The following SPOCK1 variants were observed in gnomAD, a reference collection of about 807,000 sequenced individuals.
SPOCK1 encodes SPARC (osteonectin), cwcv and kazal like domains proteoglycan 1, also known as testican-1.
A neutral mutation model predicts 55.3 loss-of-function variants in SPOCK1; 23 were observed. That is an observed-to-expected ratio of 0.42 (90% confidence interval 0.30 to 0.59). The LOEUF is 0.59. SPOCK1 is among the 20% of genes least tolerant of loss of function. The pLI is 0.22. For synonymous variants in SPOCK1, 226 were observed against 221.0 expected (o/e 1.02, Z -0.20); for missense variants, 499 against 552.5 (o/e 0.90, Z 0.97).
chr5:137,332,502 T>G (rs1758205060), intron 2 of SPOCK1, among the ~76,000 whole-genome samples: 1 of 152,130 alleles, frequency 6.6e-6, no homozygotes. Context: ...TGAAAGAAAC[T>G]GCTTTGCTTA....
At position 137,043,731 on chromosome 5, in the gene SPOCK1, C is replaced by G. The variant is rs531236098; in HGVS notation, c.589+23984G>C. Among the ~76,000 whole-genome samples the G allele has an allele frequency of 3.3e-5, 5 of 152,218 alleles. No homozygotes were observed. The East Asian group carries it at 9.6e-4, about 29-fold the overall frequency. On this transcript the variant is annotated intron_variant, in intron 6 of 10. Transcript: ENST00000394945. ...AATTGAGGGACATTTTAGAAAATAC[C>G]TGACCAGTACTCAGAACTTTCAAGG...
chr5:137,038,371 C>T (rs1751925529), intron 6 of SPOCK1, among the ~76,000 whole-genome samples: 1 of 152,188 alleles, frequency 6.6e-6, no homozygotes, highest in Admixed American at 6.5e-5. Flanking sequence ...TGCCCAGAAC[C>T]AGGCCTGGGA....
intron 9 of SPOCK1, among the ~76,000 whole-genome samples, chr5:136,984,230 A>T (rs1279401249): frequency 2.0e-5 from 3 of 152,182 alleles, no homozygotes; most frequent in African/African-American, 7.2e-5. Flanking sequence ...ATCCTAAGAG[A>T]AGAAAATCAC....
At chr5:137,447,167 T>A (rs1016136901) in intron 2 of SPOCK1, among the ~76,000 whole-genome samples, 1 of 152,226 alleles carries the variant, frequency 6.6e-6, no homozygotes, top group African/African-American at 2.4e-5. Context: ...TAAGCAGAAA[T>A]GTCTGTTTTG....
chr5:137,286,516 C>T (rs887355246), intron 2 of SPOCK1, among the ~76,000 whole-genome samples: 1 of 152,200 alleles, frequency 6.6e-6, no homozygotes, highest in Non-Finnish European at 1.5e-5. Flanking sequence ...TCTGCACTCA[C>T]CCAGAAGGGC....
At chr5:137,339,805 T>C (rs1263129671) in intron 2 of SPOCK1, among the ~76,000 whole-genome samples, 2 of 152,186 alleles carry the variant, frequency 1.3e-5, no homozygotes, top group Non-Finnish European at 2.9e-5. Context: ...TGATTCACTG[T>C]AGACTATAGA....
chr5:137,026,298 A>G (rs1488751432), intron 6 of SPOCK1, among the ~76,000 whole-genome samples: 2 of 152,226 alleles, frequency 1.3e-5, no homozygotes, highest in Non-Finnish European at 2.9e-5. Flanking sequence ...TAAGTCAAAC[A>G]TTATTCTAGA....
At chr5:137,233,095 C>G (rs1756097835) in intron 3 of SPOCK1, among the ~76,000 whole-genome samples, 1 of 152,160 alleles carries the variant, frequency 6.6e-6, no homozygotes, top group Non-Finnish European at 1.5e-5. Context: ...AGTCCTCACC[C>G]TTTTTGGCAC....
intron 3 of SPOCK1, among the ~76,000 whole-genome samples, chr5:137,235,791 G>A (rs1353553936): frequency 3.9e-5 from 6 of 152,228 alleles, no homozygotes; most frequent in South Asian, 4.1e-4. Flanking sequence ...AGTGTGTAAG[G>A]ATGGAATGTG....
chr5:137,043,148 C>A (rs1752033696), intron 6 of SPOCK1, among the ~76,000 whole-genome samples: 2 of 152,098 alleles, frequency 1.3e-5, no homozygotes, highest in Admixed American at 1.3e-4. Context: ...GGGGGTATGT[C>A]AAAGGGACAC....
intron 6 of SPOCK1, among the ~76,000 whole-genome samples, chr5:137,044,113 C>G (rs764098639): frequency 1.3e-5 from 2 of 151,974 alleles, no homozygotes; most frequent in Non-Finnish European, 1.5e-5. Flanking sequence ...TATTGGACAC[C>G]AGTTGCTGAA....
intron 6 of SPOCK1, among the ~76,000 whole-genome samples, chr5:137,026,736 A>C (rs1751683527): frequency 6.6e-6 from 1 of 152,198 alleles, no homozygotes; most frequent in South Asian, 2.1e-4. Flanking sequence ...GAGCACAGTC[A>C]ATCCAAAGCT....
intron 2 of SPOCK1, among the ~76,000 whole-genome samples, chr5:137,316,439 C>T (rs1757882174): frequency 1.3e-5 from 2 of 152,212 alleles, no homozygotes; most frequent in Non-Finnish European, 2.9e-5. Context: ...AGCCCTCCCT[C>T]CTGGTCCTTG....
intron 3 of SPOCK1, among the ~76,000 whole-genome samples, chr5:137,197,346 A>G (rs1755320854): frequency 6.6e-6 from 1 of 152,170 alleles, no homozygotes; most frequent in Non-Finnish European, 1.5e-5. Flanking sequence ...GAGCAGAACT[A>G]TGAATTCTGC....
At chr5:137,242,536 T>C (rs1023602763) in intron 3 of SPOCK1, among the ~76,000 whole-genome samples, 3 of 152,172 alleles carry the variant, frequency 2.0e-5, no homozygotes, top group East Asian at 3.9e-4. Flanking sequence ...CATTTCTTCA[T>C]AGCAGTATGA....
intron 5 of SPOCK1, among the ~76,000 whole-genome samples, chr5:137,089,416 A>C (rs1408317460): frequency 2.6e-5 from 4 of 152,102 alleles, no homozygotes; most frequent in African/African-American, 9.7e-5. Flanking sequence ...AACTCACAGG[A>C]AGTGGCCACC....
At chr5:137,206,791 T>C (rs974486708) in intron 3 of SPOCK1, among the ~76,000 whole-genome samples, 1 of 152,256 alleles carries the variant, frequency 6.6e-6, no homozygotes, top group Non-Finnish European at 1.5e-5. Context: ...CAACATCTTA[T>C]GCGATGTATT....
intron 3 of SPOCK1, among the ~76,000 whole-genome samples, chr5:137,251,695 G>T (rs548415909): frequency 6.6e-6 from 1 of 152,198 alleles, no homozygotes; most frequent in Admixed American, 6.5e-5. Flanking sequence ...TGGTGCCACA[G>T]ATGGGCTTTT....
Position 137,276,339 on chromosome 5 carries a change from C to T in SPOCK1, c.187-9284G>A, listed in dbSNP as rs551529927. 9.8e-5 allele frequency among the ~76,000 whole-genome samples: 15 copies of T among 152,354 alleles called. No homozygotes were observed. In the South Asian group the frequency reaches 2.9e-3, roughly 29 times the overall value. On this transcript the variant is annotated intron_variant, in intron 2 of 10. Transcript: ENST00000394945. ...AAATCCCAGTTTAGACACTTCTTCTCGTGGAAAGCCTTCCTTGTCCCCAGT... is the reference window on the plus strand; with the variant it reads ...AAATCCCAGTTTAGACACTTCTTCTTGTGGAAAGCCTTCCTTGTCCCCAGT...
Sources: allele counts gnomAD v4.1 joint callset (sites outside exome capture counted in the v4.1 genomes callset), GRCh38; gene constraint gnomAD v4.1.1; transcripts MANE v1.5; gene names NCBI Gene and HGNC (gene_info 2026-07-23, HGNC 2026-07-21).